The following PCSK6 variants were observed in gnomAD, a reference collection of about 807,000 sequenced individuals.
The protein encoded by PCSK6 is proprotein convertase subtilisin/kexin type 6.
PCSK6 carries 85 observed loss-of-function variants against 123.3 expected under a neutral mutation model. The ratio of observed to expected loss-of-function variants is 0.69; its 90% CI spans 0.58 to 0.83. The LOEUF is 0.83. Among genes scored for constraint, PCSK6 ranks in the 40% least tolerant of loss-of-function variants. The pLI, the probability that PCSK6 is intolerant of heterozygous loss-of-function variation, is 0.00. For synonymous variants in PCSK6, 508 were observed against 516.0 expected, an observed-to-expected ratio of 0.98 and a Z score of 0.21; for missense variants, 1,191 against 1,282.3, an observed-to-expected ratio of 0.93 and a Z score of 1.09.
At chr15:101,355,278 C>G (rs889846842) in intron 13 of PCSK6, among the ~76,000 whole-genome samples, 12 of 152,194 alleles carry the variant, frequency 7.9e-5, no homozygotes, top group Admixed American at 3.9e-4. Flanking sequence ...ATACCAAGTA[C>G]GTAAAACCCT....
chr15:101,389,550 C>A lies in PCSK6; in HGVS notation c.1224G>T (p.Leu408=). 1 of 1,612,200 alleles carries A rather than the reference C, an allele frequency of 6.2e-7. No individual in the cohort carries two copies. The highest frequency in any genetic ancestry group is 8.5e-7 in the Non-Finnish European group (1 of 1,178,920). ...TGTGGCCATCGGTACAGCGCTGACG[C>A]AGATCCGTGGTGACCTGGGGGAGAG... is the stretch of plus-strand genomic sequence containing the variant. ...FYERKIVTTD[L]RQRCTDGHTG... is the part of the protein sequence containing the mutation. The change falls in exon 9 of 22, where the codon CTG becomes CTT. Residue 408 remains leucine (L), a synonymous_variant. Transcript: ENST00000611716.
chr15:101,394,137 G>GTTTTT (rs1444048837), intron 7 of PCSK6, among the ~76,000 whole-genome samples: 12 of 89,560 alleles, frequency 1.3e-4, no homozygotes, highest in African/African-American at 4.1e-4. Context: ...CCGTTTTTTT[G>GTTTTT]TTTTTTGTTT....
At chr15:101,321,652 C>T (rs910889763) in intron 18 of PCSK6, among the ~76,000 whole-genome samples, 5 of 152,342 alleles carry the variant, frequency 3.3e-5, no homozygotes, top group South Asian at 2.1e-4. Flanking sequence ...AGAAGGGAGA[C>T]GGGGCTGGGG....
intron 11 of PCSK6, among the ~76,000 whole-genome samples, chr15:101,372,283 C>T (rs1386449731): frequency 2.0e-5 from 3 of 152,202 alleles, no homozygotes; most frequent in African/African-American, 4.8e-5. Flanking sequence ...CCCATTATGC[C>T]TGGACTCTCC....
At chr15:101,484,743 C>A (rs376386506) in intron 1 of PCSK6, among the ~76,000 whole-genome samples, 5 of 152,300 alleles carry the variant, frequency 3.3e-5, no homozygotes, top group East Asian at 3.9e-4. Context: ...TGGACACCTA[C>A]AATTTGCCTT....
At chr15:101,475,322 T>A (rs2057704539) in intron 1 of PCSK6, among the ~76,000 whole-genome samples, 1 of 152,132 alleles carries the variant, frequency 6.6e-6, no homozygotes, top group African/African-American at 2.4e-5. Context: ...CTGAACAGTG[T>A]TCAATGAAAA....
At chr15:101,484,790 G>A (rs1487071153) in intron 1 of PCSK6, among the ~76,000 whole-genome samples, 7 of 152,180 alleles carry the variant, frequency 4.6e-5, no homozygotes, top group African/African-American at 1.7e-4. Flanking sequence ...ATGTATCTGT[G>A]TAGATATAGA....
rs374220178 is a variant in PCSK6 at position 101,307,226 on chromosome 15, G to C, written c.2799C>G (p.His933Gln). 1 of 1,612,742 alleles carries C rather than the reference G, an allele frequency of 6.2e-7. No homozygotes were observed. The highest frequency in any genetic ancestry group is 1.3e-5 in the African/African-American group (1 of 74,914). The change falls in exon 21 of 22, where the codon CAC (histidine) becomes CAG (glutamine). Residue 933 changes from histidine to glutamine, a missense_variant. By Grantham distance (24) the His-to-Gln change is conservative. Around this residue, in one of 3 missense-constraint regions of PCSK6, gnomAD observed 630 missense variants for 631.4 expected, o/e 1.00. Transcript: ENST00000611716. ...GCTGCTGCTCACCGTTGCTGCACGT[G>C]TGGTTGGTGATGCAGGAGGTCCCCA... ...TQLGTSCITN[H>Q]TCSNADETFC...
At position 101,393,212 on chromosome 15, in the gene PCSK6, G is replaced by A. The variant is rs183340651; in HGVS notation, c.1209C>T (p.Ile403=). 27 of 1,611,336 alleles carry A rather than the reference G, an allele frequency of 1.7e-5. No individual in the cohort carries two copies. The highest frequency in any genetic ancestry group is 1.9e-5 in the Non-Finnish European group (22 of 1,178,594). Residue 403 remains isoleucine, a splice_region_variant and synonymous_variant, in exon 8 of 22, where the codon ATC becomes ATT. Coordinates refer to ENST00000611716, the MANE Select transcript of PCSK6 (RefSeq NM_002570.5). The part of the protein sequence containing the change: ...YSSGAFYERK[I]VTTDLRQRCT... Reference sequence around the variant, plus strand: ...ACTCCAACTTGCCAAGAGAACTTACGATTTTTCGCTCATAAAAGGCCCCAC... The same window carrying A: ...ACTCCAACTTGCCAAGAGAACTTACAATTTTTCGCTCATAAAAGGCCCCAC...
chr15:101,399,342 A>T (rs1168093667), intron 6 of PCSK6, among the ~76,000 whole-genome samples: 1 of 152,208 alleles, frequency 6.6e-6, no homozygotes, highest in Non-Finnish European at 1.5e-5. Context: ...TTCAACCTGG[A>T]AGACAGAAGC....
chr15:101,415,706 CA>C (rs1464440475), intron 6 of PCSK6, among the ~76,000 whole-genome samples: 1 of 152,146 alleles, frequency 6.6e-6, no homozygotes, highest in Non-Finnish European at 1.5e-5. Context: ...GGGAGGGACT[CA>C]GGGGGAGGTA....
In PCSK6 at chr15:101,344,680, G is replaced by A. The variant is rs1044532588; in HGVS notation, c.1859-12649C>T. Among the ~76,000 whole-genome samples, 5 of 152,182 alleles carry A rather than the reference G, an allele frequency of 3.3e-5. No individual in the cohort carries two copies. The East Asian group carries it at 9.7e-4, about 29-fold the overall frequency. ...TTTAATTTGTATTTTTTGAGATGGA[G>A]TCTCACTGTCGCCCAGGCTGGAGGG... On this transcript the variant is annotated intron_variant, in intron 13 of 21. Transcript: ENST00000611716.
At chr15:101,371,393 A>C (rs1314590010) in intron 11 of PCSK6, among the ~76,000 whole-genome samples, 3 of 152,202 alleles carry the variant, frequency 2.0e-5, no homozygotes, top group African/African-American at 7.2e-5. Flanking sequence ...ACCACACTGC[A>C]ATATGTGCAT....
chr15:101,458,901 T>C (rs1201222426), intron 1 of PCSK6, among the ~76,000 whole-genome samples: 10 of 152,190 alleles, frequency 6.6e-5, no homozygotes, highest in Non-Finnish European at 1.5e-4. Context: ...AAAAACAAAC[T>C]GCCTTCCATT....
chr15:101,433,431 A>G lies in PCSK6; in HGVS notation c.403-1331T>C, dbSNP rs73481289. On this transcript the variant is annotated intron_variant, in intron 2 of 21. Coordinates refer to ENST00000611716, the MANE Select transcript of PCSK6 (RefSeq NM_002570.5). ...TACCACGGCAGCTCCACCTGATTGAATAATGCTCAAAGCTGGGGTTCAGCC... is the reference window on the plus strand; with the variant it reads ...TACCACGGCAGCTCCACCTGATTGAGTAATGCTCAAAGCTGGGGTTCAGCC... 3.6e-3 allele frequency among the ~76,000 whole-genome samples: 553 copies of G among 152,330 alleles called. 8 individuals are homozygous for G. The highest frequency in any genetic ancestry group is 0.013 in the African/African-American group (523 of 41,570).
intron 6 of PCSK6, among the ~76,000 whole-genome samples, chr15:101,406,308 C>T (rs147739789): frequency 2.0e-5 from 3 of 152,278 alleles, no homozygotes; most frequent in South Asian, 2.1e-4. Context: ...GAGCGGGACA[C>T]GCTGGGCCCA....
chr15:101,408,135 C>T (rs4965846), intron 6 of PCSK6, among the ~76,000 whole-genome samples: 35,020 of 152,150 alleles, frequency 0.23, 4,209 homozygotes, highest in African/African-American at 0.28. Context: ...ATGGAGCACC[C>T]GTACATCTGC....
At chr15:101,356,310 T>C (rs1334517477) in intron 13 of PCSK6, among the ~76,000 whole-genome samples, 1 of 152,030 alleles carries the variant, frequency 6.6e-6, no homozygotes, top group Non-Finnish European at 1.5e-5. Flanking sequence ...ACCCACACTG[T>C]GCACTGCAGG....
chr15:101,411,376 A>C (rs1383698785), intron 6 of PCSK6, among the ~76,000 whole-genome samples: 1 of 152,170 alleles, frequency 6.6e-6, no homozygotes, highest in Admixed American at 6.5e-5. Flanking sequence ...CCAGAGCACC[A>C]GGACGATGCC....
Sources: gnomAD v4.1 joint callset for allele counts (sites outside exome capture counted in the v4.1 genomes callset) on GRCh38, gnomAD v4.1.1 for gene constraint, gnomAD v4.1.1 regional missense constraint, MANE v1.5 for transcripts, NCBI Gene and HGNC (gene_info 2026-07-23, HGNC 2026-07-21) for gene names.